NDUFAF2: variants seen among roughly 807,000 people sequenced by gnomAD.
The protein encoded by NDUFAF2 is NADH:ubiquinone oxidoreductase complex assembly factor 2.
Under a neutral mutation model 22.8 loss-of-function variants are expected in NDUFAF2, and 13 were observed. That is an observed-to-expected ratio of 0.57 (90% CI 0.37 to 0.91). The LOEUF is 0.91. Among genes scored for constraint, NDUFAF2 ranks in the 40% least tolerant of loss-of-function variants. The pLI, the probability that NDUFAF2 is intolerant of heterozygous loss-of-function variation, is 0.01. For missense variants in NDUFAF2, 162 were observed against 195.2 expected, an observed-to-expected ratio of 0.83 and a Z score of 1.01; for synonymous variants, 53 against 64.2, an observed-to-expected ratio of 0.83 and a Z score of 0.84.
At chr5:61,062,320 G>T (rs1465409146) in intron 1 of NDUFAF2, among the ~76,000 whole-genome samples, 3 of 152,066 alleles carry the variant, frequency 2.0e-5, no homozygotes, top group Non-Finnish European at 2.9e-5. Flanking sequence ...AGACAGAAAA[G>T]AGTTTATGAT....
intron 3 of NDUFAF2, among the ~76,000 whole-genome samples, chr5:61,128,749 C>T (rs1456166401): frequency 6.6e-6 from 1 of 152,174 alleles, no homozygotes; most frequent in Non-Finnish European, 1.5e-5. Flanking sequence ...GCAAGGACCT[C>T]ATGTCTAAAA....
intron 1 of NDUFAF2, among the ~76,000 whole-genome samples, chr5:61,037,994 A>G (rs550983122): frequency 6.8e-6 from 1 of 146,474 alleles, no homozygotes; most frequent in South Asian, 2.3e-4. Context: ...TAGGAAAGAC[A>G]TGACAGCATG....
intron 1 of NDUFAF2, among the ~76,000 whole-genome samples, chr5:61,001,811 G>C (rs532967883): frequency 6.6e-6 from 1 of 151,908 alleles, no homozygotes; most frequent in Non-Finnish European, 1.5e-5. Flanking sequence ...TTCTTATATG[G>C]TCACCTTATA....
intron 3 of NDUFAF2, among the ~76,000 whole-genome samples, chr5:61,131,524 G>C (rs1579846961): frequency 6.6e-6 from 1 of 152,018 alleles, no homozygotes; most frequent in African/African-American, 2.4e-5. Flanking sequence ...AATGGCAAAT[G>C]TATACAAATT....
intron 2 of NDUFAF2, among the ~76,000 whole-genome samples, chr5:61,080,536 A>G (rs1340357110): frequency 1.3e-5 from 2 of 152,196 alleles, no homozygotes; most frequent in South Asian, 2.1e-4. Flanking sequence ...GTTTCATTAC[A>G]TTTGAGCCAT....
intron 1 of NDUFAF2, among the ~76,000 whole-genome samples, chr5:61,010,534 C>T (rs2112597319): frequency 6.6e-6 from 1 of 152,192 alleles, no homozygotes; most frequent in South Asian, 2.1e-4. Flanking sequence ...TACATCTTCC[C>T]TGGGGAGGCC....
At chr5:61,143,960 TTGTGTGTGTGTGTGTGTGTGTGTGTG>T (rs58281805) in intron 3 of NDUFAF2, among the ~76,000 whole-genome samples, 1 of 98,142 alleles carries the variant, frequency 1.0e-5, no homozygotes, top group African/African-American at 3.4e-5. Context: ...TGGCATATTT[TTGTGTGTGTGTGTGTGTGTGTGTGTG>T]TGTGTGTGTG....
intron 3 of NDUFAF2, among the ~76,000 whole-genome samples, chr5:61,122,506 A>G (rs1051214746): frequency 1.3e-5 from 2 of 152,142 alleles, no homozygotes; most frequent in African/African-American, 2.4e-5. Flanking sequence ...TCATTTAACT[A>G]TCTTTTGAAA....
chr5:61,070,277 A>G (rs1246782746), intron 1 of NDUFAF2, among the ~76,000 whole-genome samples: 1 of 152,142 alleles, frequency 6.6e-6, no homozygotes, highest in Non-Finnish European at 1.5e-5. Flanking sequence ...ATTGCATGAA[A>G]GCATATTAGT....
intron 1 of NDUFAF2, among the ~76,000 whole-genome samples, chr5:61,048,367 A>G (rs1322245092): frequency 6.6e-6 from 1 of 152,208 alleles, no homozygotes; most frequent in Admixed American, 6.6e-5. Flanking sequence ...GTGCCTACTC[A>G]CATTAAACTT....
chr5:61,134,425 C>T (rs928272589), intron 3 of NDUFAF2, among the ~76,000 whole-genome samples: 1 of 152,206 alleles, frequency 6.6e-6, no homozygotes, highest in African/African-American at 2.4e-5. Context: ...GTGGCTCACG[C>T]CTGTAATCCC....
chr5:61,056,778 A>G (rs1457184457), intron 1 of NDUFAF2, among the ~76,000 whole-genome samples: 4 of 149,530 alleles, frequency 2.7e-5, no homozygotes, highest in Non-Finnish European at 5.9e-5. Flanking sequence ...ATCCCCAGCT[A>G]CTCAGGAGGC....
chr5:61,120,238 G>A (rs1381802952), intron 3 of NDUFAF2, among the ~76,000 whole-genome samples: 1 of 152,154 alleles, frequency 6.6e-6, no homozygotes. Context: ...TTAGATAAAT[G>A]TGGTAGGCAG....
chr5:61,045,050 A>G (rs1245927085), intron 1 of NDUFAF2, among the ~76,000 whole-genome samples: 1 of 146,934 alleles, frequency 6.8e-6, no homozygotes, highest in African/African-American at 2.5e-5. Context: ...TTAACATTTT[A>G]ATAAAGTAAA....
intron 3 of NDUFAF2, among the ~76,000 whole-genome samples, chr5:61,117,111 A>G (rs923908460): frequency 2.0e-5 from 3 of 152,172 alleles, no homozygotes; most frequent in Non-Finnish European, 4.4e-5. Context: ...CAAAAATGAG[A>G]AGTTAATATA....
At chr5:61,129,751 C>T (rs192745588) in intron 3 of NDUFAF2, among the ~76,000 whole-genome samples, 2,897 of 152,052 alleles carry the variant, frequency 0.019, 52 homozygotes, top group Non-Finnish European at 0.032. Context: ...TGTAACAAAC[C>T]TGCACGTTGT....
chr5:60,964,700 C>T (rs1223522556), intron 1 of NDUFAF2, among the ~76,000 whole-genome samples: 7 of 152,112 alleles, frequency 4.6e-5, no homozygotes, highest in Non-Finnish European at 1.0e-4. Context: ...GATCTGCCTG[C>T]CTTGGCCTAC....
intron 1 of NDUFAF2, among the ~76,000 whole-genome samples, chr5:60,963,939 A>G (rs1750722313): frequency 6.6e-6 from 1 of 152,202 alleles, no homozygotes; most frequent in Admixed American, 6.5e-5. Context: ...GAGCACACCA[A>G]TCAGAGGGAA....
chr5:61,114,470 A>G (rs756599025), intron 3 of NDUFAF2: 1 of 152,212 alleles, frequency 6.6e-6, no homozygotes, highest in Non-Finnish European at 1.5e-5. Context: ...CTTCCTCAAA[A>G]TAGCTATTTT....
Sources: allele counts gnomAD v4.1 joint callset (sites outside exome capture counted in the v4.1 genomes callset), GRCh38; gene constraint gnomAD v4.1.1; transcripts MANE v1.5; gene names NCBI Gene and HGNC (gene_info 2026-07-23, HGNC 2026-07-21).